Variants in EPHA6 observed in about 807,000 individuals in gnomAD.
EPHA6 encodes the protein EPH receptor A6.
Under a neutral mutation model 112.0 loss-of-function variants are expected in EPHA6, and 50 were observed. The observed-to-expected ratio is 0.45, with a 90% CI of 0.36 to 0.56. The LOEUF is 0.56. Among genes scored for constraint, EPHA6 ranks in the 20% least tolerant of loss-of-function variants. The probability of loss-of-function intolerance (pLI) is 0.00; values close to 1 mark genes in which losing one functional copy is unlikely to be tolerated. For missense variants in EPHA6, 1,280 were observed against 1,417.4 expected, an observed-to-expected ratio of 0.90 and a Z score of 1.56; for synonymous variants, 529 against 490.7, an observed-to-expected ratio of 1.08 and a Z score of -1.03.
chr3:96,857,947 T>C (rs1427706441), intron 1 of EPHA6, among the ~76,000 whole-genome samples: 3 of 152,108 alleles, frequency 2.0e-5, no homozygotes, highest in African/African-American at 7.2e-5. Context: ...TGTTCAGGAA[T>C]AGAATTTAGT....
chr3:97,220,553 T>C (rs2078164755), intron 3 of EPHA6, among the ~76,000 whole-genome samples: 1 of 152,142 alleles, frequency 6.6e-6, no homozygotes, highest in Admixed American at 6.5e-5. Context: ...CAAGGGACCT[T>C]CTTCACAAGG....
At chr3:97,060,697 G>T (rs2045989905) in intron 3 of EPHA6, among the ~76,000 whole-genome samples, 1 of 151,860 alleles carries the variant, frequency 6.6e-6, no homozygotes, top group Admixed American at 6.6e-5. Flanking sequence ...AGATCACGAG[G>T]TCAGGAGATC....
rs2080423082 is a variant in EPHA6 at position 97,285,189 on chromosome 3, TTTAA to T, written c.1606+40906_1606+40909del. Among the ~76,000 whole-genome samples the T allele has an allele frequency of 4.6e-5, 7 of 152,092 alleles. No individual in the cohort carries two copies. In the South Asian group the frequency reaches 1.2e-3, roughly 27 times the overall value. On this transcript the variant is annotated intron_variant, in intron 5 of 17. Coordinates refer to ENST00000389672, the MANE Select transcript of EPHA6 (RefSeq NM_001080448.3). ...TTAAATATTGTTATTTTGTTAAATA[TTTAA>T]TTAGAAAAATGACTGATAGAAGTGG...
chr3:96,895,822 A>G (rs1271022131), intron 2 of EPHA6, among the ~76,000 whole-genome samples: 2 of 152,156 alleles, frequency 1.3e-5, no homozygotes, highest in Admixed American at 6.5e-5. Flanking sequence ...TTACATGTCC[A>G]TCTTTCCTCC....
chr3:97,373,026 T>C (rs1198157181), intron 5 of EPHA6, among the ~76,000 whole-genome samples: 1 of 152,170 alleles, frequency 6.6e-6, no homozygotes, highest in Non-Finnish European at 1.5e-5. Flanking sequence ...TTATTGTGCT[T>C]TTCTGTTTGT....
chr3:97,757,404 A>T lies in EPHA6; in HGVS notation c.*8703A>T, dbSNP rs1397328923. ...TCATTTTAAAAATGTTTTGTAATGG[A>T]ACAAGTCATCAAAATTCTTAACATT... On this transcript the variant is annotated 3_prime_UTR_variant, in exon 18 of 18. Transcript: ENST00000389672. Among the ~76,000 whole-genome samples, 3 of 151,756 alleles carry T rather than the reference A, an allele frequency of 2.0e-5. No homozygotes were observed. The highest frequency in any genetic ancestry group is 3.0e-5 in the Non-Finnish European group (2 of 67,728).
At chr3:97,007,129 C>T (rs939007477) in intron 3 of EPHA6, among the ~76,000 whole-genome samples, 1 of 152,144 alleles carries the variant, frequency 6.6e-6, no homozygotes, top group African/African-American at 2.4e-5. Context: ...CCACTTGATC[C>T]AGAGCTGAGT....
At chr3:97,102,010 T>C (rs1441639734) in intron 3 of EPHA6, among the ~76,000 whole-genome samples, 1 of 152,058 alleles carries the variant, frequency 6.6e-6, no homozygotes, top group Admixed American at 6.6e-5. Flanking sequence ...ACTTACTCGA[T>C]CAGTGAAACT....
chr3:97,441,516 C>G, intron 6 of EPHA6: 1 of 747,820 alleles, frequency 1.3e-6, no homozygotes, highest in Non-Finnish European at 1.6e-6. Context: ...CAATTAGAAT[C>G]TGTTTGATTA....
intron 10 of EPHA6, among the ~76,000 whole-genome samples, chr3:97,508,740 T>C (rs2092305203): frequency 6.6e-6 from 1 of 152,136 alleles, no homozygotes; most frequent in East Asian, 1.9e-4. Context: ...TTGATTTGTC[T>C]AACATTGACA....
At chr3:97,418,475 C>T (rs1447222073) in intron 6 of EPHA6, among the ~76,000 whole-genome samples, 3 of 152,032 alleles carry the variant, frequency 2.0e-5, no homozygotes, top group Non-Finnish European at 4.4e-5. Context: ...TAGAAGAAAT[C>T]ACTGACAAAA....
chr3:97,328,979 A>C (rs1239548211), intron 5 of EPHA6, among the ~76,000 whole-genome samples: 1 of 151,334 alleles, frequency 6.6e-6, no homozygotes, highest in Non-Finnish European at 1.5e-5. Flanking sequence ...CCCCAACCCC[A>C]CAACAGGCCC....
intron 2 of EPHA6, among the ~76,000 whole-genome samples, chr3:96,978,538 C>A (rs1195851035): frequency 1.3e-5 from 2 of 151,970 alleles, no homozygotes; most frequent in East Asian, 3.9e-4. Flanking sequence ...GGAATCAGAT[C>A]CAAATTTGTA....
chr3:97,503,586 C>T (rs9875817), intron 10 of EPHA6, among the ~76,000 whole-genome samples: 14,134 of 152,104 alleles, frequency 0.093, 2,067 homozygotes, highest in African/African-American at 0.31. Flanking sequence ...GGAAATCAAC[C>T]TGTAATGATG....
intron 2 of EPHA6, among the ~76,000 whole-genome samples, chr3:96,901,174 A>G (rs1012242825): frequency 2.6e-5 from 4 of 152,194 alleles, no homozygotes; most frequent in African/African-American, 9.6e-5. Flanking sequence ...GTAATATACA[A>G]TAGTTTTTAT....
chr3:97,144,517 G>C (rs2075992126), intron 3 of EPHA6, among the ~76,000 whole-genome samples: 1 of 148,820 alleles, frequency 6.7e-6, no homozygotes, highest in South Asian at 2.1e-4. Flanking sequence ...CTTAATTTTA[G>C]ACATTACATA....
In EPHA6 at chr3:96,937,271, G is replaced by T. The variant is rs184718093; in HGVS notation, c.451-50059G>T. Among the ~76,000 whole-genome samples, 347 of 152,232 alleles carry T rather than the reference G, an allele frequency of 2.3e-3. 10 individuals carry two copies. The highest frequency in any genetic ancestry group is 0.021 in the Admixed American group (318 of 15,280). On this transcript the variant is annotated intron_variant, in intron 2 of 17. Transcript: ENST00000389672. The stretch of plus-strand genomic sequence containing the variant: ...CTCCACATCCTCTTCAGCACCTGTT[G>T]TTTCCTGACTTTTTAATGATCGCCA...
At position 97,646,164 on chromosome 3, in the gene EPHA6, G is replaced by T. The variant is rs1448736519; in HGVS notation, c.2784+8082G>T. 6 of 1,535,534 alleles carry T rather than the reference G, an allele frequency of 3.9e-6. No individual in the cohort carries two copies. In the Admixed American group the frequency reaches 5.9e-5, roughly 15 times the overall value. On this transcript the variant is annotated intron_variant, in intron 14 of 17. Coordinates refer to ENST00000389672, the MANE Select transcript of EPHA6 (RefSeq NM_001080448.3). ...AGAGCAATCAGAACTGGTTAAAGAA[G>T]ATGGTCTGGAAAGCTTGTGTGAGCA...
At chr3:96,912,092 T>C (rs2039247385) in intron 2 of EPHA6, among the ~76,000 whole-genome samples, 2 of 152,150 alleles carry the variant, frequency 1.3e-5, no homozygotes, top group South Asian at 4.1e-4. Context: ...CAAGATTCAC[T>C]TTTCAAAGTT....
Sources: gnomAD v4.1 joint callset for allele counts (sites outside exome capture counted in the v4.1 genomes callset) on GRCh38, gnomAD v4.1.1 for gene constraint, MANE v1.5 for transcripts, NCBI Gene and HGNC (gene_info 2026-07-23, HGNC 2026-07-21) for gene names.